Variants in TMEM65 observed in about 807,000 individuals in gnomAD.
TMEM65 encodes the protein transmembrane protein 65.
A neutral mutation model predicts 25.4 loss-of-function variants in TMEM65; 22 were observed. The ratio of observed to expected loss-of-function variants is 0.86; its 90% CI spans 0.62 to 1.23. The LOEUF is 1.23. Among genes scored for constraint, TMEM65 ranks in the 50% most tolerant of loss-of-function variants. The probability of loss-of-function intolerance (pLI) is 0.00; values close to 1 mark genes in which losing one functional copy is unlikely to be tolerated. For synonymous variants in TMEM65, 132 were observed against 126.2 expected (o/e 1.05, Z -0.31); for missense variants, 262 against 308.2 (o/e 0.85, Z 1.12).
chr8:124,333,172 T>TA (rs112386620), intron 1 of TMEM65, among the ~76,000 whole-genome samples: 5,055 of 139,746 alleles, frequency 0.036, 251 homozygotes, highest in African/African-American at 0.11. Context: ...ACATCAGAAG[T>TA]AAAAAAAAAA....
intron 1 of TMEM65, among the ~76,000 whole-genome samples, chr8:124,348,009 G>A (rs1398337496): frequency 1.3e-5 from 2 of 151,852 alleles, no homozygotes; most frequent in Admixed American, 1.3e-4. Flanking sequence ...TCCTGCCTCG[G>A]TGTCCCGAGA....
At position 124,345,871 on chromosome 8, in the gene TMEM65, G is replaced by A. The variant is rs572248301; in HGVS notation, c.305-15079C>T. On this transcript the variant is annotated intron_variant, in intron 1 of 6. Transcript: ENST00000297632. ...TGATTCTTCTGCCTCAGCCTCCAGA[G>A]TAGCTGGGATTACAGGCACATGCCA... Among the ~76,000 whole-genome samples, 46 of 152,220 alleles carry A rather than the reference G, an allele frequency of 3.0e-4. No homozygotes were observed. The South Asian group carries it at 5.4e-3, about 18-fold the overall frequency.
In TMEM65 at chr8:124,308,018, CT is replaced by C. The variant is rs1315894246; in HGVS notation, c.*5941del. On this transcript the variant is annotated 3_prime_UTR_variant, in exon 7 of 7. Transcript: ENST00000297632. ...ATCAAGACTGCACTTATCTATAAAG[CT>C]GTTAACTCCCAAGTCTTGAAGGGAA... 4 of 152,156 alleles carry C rather than the reference CT, an allele frequency of 2.6e-5. No homozygotes were observed. Among genetic ancestry groups the C allele is most frequent in the Non-Finnish European group, 5.9e-5 (4 of 68,040 alleles). 9.4% of individuals were successfully genotyped at this position (152,156 alleles called of 1,614,324 possible). A position where few individuals can be genotyped will look rare whatever the true frequency, so the allele number is the denominator to read the frequency against.
chr8:124,351,244 C>A (rs1814703931), intron 1 of TMEM65: 7 of 447,664 alleles, frequency 1.6e-5, no homozygotes, highest in Non-Finnish European at 2.1e-5. Flanking sequence ...TTACTTTGCA[C>A]AGTAATGTGG....
chr8:124,322,086 A>C lies in TMEM65; in HGVS notation c.515+19T>G. On this transcript the variant is annotated intron_variant, in intron 5 of 6. Transcript: ENST00000297632. ...ACAGCAAGTACAGAATATACAAATGAATAAGTGAATGAACCTACCCAAGTC... is the reference window on the plus strand; with the variant it reads ...ACAGCAAGTACAGAATATACAAATGCATAAGTGAATGAACCTACCCAAGTC... The C allele has an allele frequency of 6.3e-7, 1 of 1,596,678 alleles. No individual in the cohort carries two copies. Among genetic ancestry groups the C allele is most frequent in the Non-Finnish European group, 8.6e-7 (1 of 1,167,864 alleles).
At chr8:124,318,783 G>C (rs144987383) in intron 6 of TMEM65, among the ~76,000 whole-genome samples, 1 of 152,086 alleles carries the variant, frequency 6.6e-6, no homozygotes, top group Non-Finnish European at 1.5e-5. Flanking sequence ...ACCACATTTT[G>C]AGAACCACTC....
intron 1 of TMEM65, among the ~76,000 whole-genome samples, chr8:124,359,926 T>A (rs1814838103): frequency 6.6e-6 from 1 of 152,164 alleles, no homozygotes; most frequent in Non-Finnish European, 1.5e-5. Context: ...TTGCTTCTTT[T>A]TCAGAGCTAT....
At chr8:124,320,216 T>A in intron 5 of TMEM65, 25 bp from the exon 6 acceptor site, 1 of 1,546,472 alleles carries the variant, frequency 6.5e-7, no homozygotes, top group Non-Finnish European at 8.9e-7. Flanking sequence ...GACAATATGA[T>A]ATATAGGTTA....
At chr8:124,368,693 AC>A (rs930605468) in intron 1 of TMEM65, among the ~76,000 whole-genome samples, 52 of 152,192 alleles carry the variant, frequency 3.4e-4, no homozygotes, top group Non-Finnish European at 6.2e-4. Flanking sequence ...CATCCAGCCA[AC>A]AGCCATGTGA....
chr8:124,341,186 C>T (rs955939504), intron 1 of TMEM65, among the ~76,000 whole-genome samples: 2 of 151,862 alleles, frequency 1.3e-5, no homozygotes, highest in Admixed American at 1.3e-4. Context: ...AAGTATGAGG[C>T]TGTTTTGTTT....
intron 1 of TMEM65, among the ~76,000 whole-genome samples, chr8:124,339,064 C>T (rs759928761): frequency 1.7e-4 from 25 of 150,864 alleles, no homozygotes; most frequent in Non-Finnish European, 3.4e-4. Flanking sequence ...TGGCAGGCGC[C>T]TGTAGTCCCA....
At chr8:124,343,426 A>G (rs904046367) in intron 1 of TMEM65, among the ~76,000 whole-genome samples, 1 of 152,166 alleles carries the variant, frequency 6.6e-6, no homozygotes, top group Non-Finnish European at 1.5e-5. Flanking sequence ...CCACCAACTG[A>G]TGACAATCAG....
At chr8:124,338,224 GTATT>G (rs940301560) in intron 1 of TMEM65, among the ~76,000 whole-genome samples, 11 of 152,070 alleles carry the variant, frequency 7.2e-5, no homozygotes, top group Admixed American at 2.0e-4. Context: ...TTGTGAAAGT[GTATT>G]TAATGATATA....
At chr8:124,364,802 T>G (rs375662111) in intron 1 of TMEM65, among the ~76,000 whole-genome samples, 2 of 152,204 alleles carry the variant, frequency 1.3e-5, no homozygotes, top group African/African-American at 4.8e-5. Context: ...GACATAAACC[T>G]GTGAGTCAAA....
chr8:124,359,568 C>T (rs1458536869), intron 1 of TMEM65, among the ~76,000 whole-genome samples: 1 of 152,038 alleles, frequency 6.6e-6, no homozygotes, highest in East Asian at 1.9e-4. Context: ...ATGGTGAACC[C>T]TCATCTATAC....
intron 1 of TMEM65, among the ~76,000 whole-genome samples, chr8:124,342,036 G>A (rs1435209824): frequency 1.3e-5 from 2 of 151,980 alleles, no homozygotes; most frequent in Non-Finnish European, 2.9e-5. Context: ...GAAACTGTAT[G>A]AAATTCATAG....
At chr8:124,371,714 TG>T in intron 1 of TMEM65, 139 bp downstream of exon 1, 3 of 806,730 alleles carry the variant, frequency 3.7e-6, no homozygotes, top group East Asian at 3.5e-5. Flanking sequence ...GTCCCAGGCG[TG>T]GGGCCAGACA....
At chr8:124,367,319 C>G (rs1814951693) in intron 1 of TMEM65, among the ~76,000 whole-genome samples, 1 of 151,972 alleles carries the variant, frequency 6.6e-6, no homozygotes, top group Admixed American at 6.6e-5. Context: ...ACTAAAAATA[C>G]AAAACTTAGC....
chr8:124,331,424 A>G (rs879572667), intron 1 of TMEM65, among the ~76,000 whole-genome samples: 1 of 148,704 alleles, frequency 6.7e-6, no homozygotes, highest in African/African-American at 2.4e-5. Flanking sequence ...GATATATAAT[A>G]TAACTGAATA....
Sources: allele counts gnomAD v4.1 joint callset (sites outside exome capture counted in the v4.1 genomes callset), GRCh38; gene constraint gnomAD v4.1.1; transcripts MANE v1.5; gene names NCBI Gene and HGNC (gene_info 2026-07-23, HGNC 2026-07-21).